The following NRXN3 variants were observed in gnomAD, a reference collection of about 807,000 sequenced individuals.
NRXN3 encodes the protein neurexin III.
In NRXN3, 32 loss-of-function variants were observed where a neutral mutation model predicts 137.6. The ratio of observed to expected loss-of-function variants is 0.23; its 90% CI spans 0.18 to 0.31. The LOEUF is 0.31. Ranked by LOEUF, NRXN3 falls within the 10% of genes least tolerant of loss-of-function variation. The pLI is 1.00. For missense variants in NRXN3, 1,574 were observed against 2,062.5 expected (o/e 0.76, Z 4.59); for synonymous variants, 798 against 784.5 (o/e 1.02, Z -0.29).
At chr14:79,533,461 G>A (rs1339973103) in intron 16 of NRXN3, among the ~76,000 whole-genome samples, 1 of 152,160 alleles carries the variant, frequency 6.6e-6, no homozygotes, top group Non-Finnish European at 1.5e-5. Context: ...GTGTGATTTG[G>A]GGTTTTAAGA....
At chr14:78,404,545 A>G (rs571235549) in intron 4 of NRXN3, among the ~76,000 whole-genome samples, 19 of 152,272 alleles carry the variant, frequency 1.2e-4, no homozygotes, top group South Asian at 8.3e-4. Flanking sequence ...ATTGGAAACT[A>G]TGATGGGAAA....
chr14:78,890,915 G>A (rs753807375), intron 10 of NRXN3, among the ~76,000 whole-genome samples: 1 of 151,898 alleles, frequency 6.6e-6, no homozygotes. Context: ...AGCAGCCTTC[G>A]TCTCCCTAAT....
At chr14:79,299,135 C>CT (rs1182742556) in intron 15 of NRXN3, among the ~76,000 whole-genome samples, 1 of 152,116 alleles carries the variant, frequency 6.6e-6, no homozygotes, top group African/African-American at 2.4e-5. Flanking sequence ...TTTGTTTTAT[C>CT]TTTTTAAGCC....
chr14:78,239,108 G>A (rs1194538814), intron 1 of NRXN3, among the ~76,000 whole-genome samples: 1 of 152,196 alleles, frequency 6.6e-6, no homozygotes, highest in Non-Finnish European at 1.5e-5. Context: ...TAATCCACAG[G>A]AACATTCTTC....
At chr14:78,226,449 C>T (rs1459347783) in intron 1 of NRXN3, among the ~76,000 whole-genome samples, 1 of 152,204 alleles carries the variant, frequency 6.6e-6, no homozygotes, top group Non-Finnish European at 1.5e-5. Context: ...CCTGGAATAA[C>T]AAATGCCCAT....
At chr14:79,730,498 T>C (rs1380746829) in intron 19 of NRXN3, among the ~76,000 whole-genome samples, 2 of 152,214 alleles carry the variant, frequency 1.3e-5, no homozygotes, top group Non-Finnish European at 2.9e-5. Context: ...AACTAAATTG[T>C]GTTATCCAGA....
chr14:78,825,196 CAAAAAAAAAA>C (rs11335474), intron 10 of NRXN3, among the ~76,000 whole-genome samples: 1 of 75,824 alleles, frequency 1.3e-5, no homozygotes, highest in Admixed American at 1.5e-4. Flanking sequence ...GACTCTGCCT[CAAAAAAAAAA>C]AAAAAAAAAA....
chr14:79,580,061 T>G (rs77519382), intron 16 of NRXN3, among the ~76,000 whole-genome samples: 17,867 of 152,248 alleles, frequency 0.12, 1,180 homozygotes, highest in South Asian at 0.22. Context: ...ATCTGGGTCT[T>G]GCCTATTTCA....
chr14:79,155,806 T>C (rs1049636479), intron 15 of NRXN3, among the ~76,000 whole-genome samples: 3 of 151,826 alleles, frequency 2.0e-5, no homozygotes, highest in African/African-American at 7.2e-5. Context: ...TAAAAGTTAA[T>C]AATTTTGCAT....
chr14:79,461,945 G>C (rs970607421), intron 15 of NRXN3, among the ~76,000 whole-genome samples: 8 of 152,180 alleles, frequency 5.3e-5, no homozygotes. Context: ...TAGAGCAGGA[G>C]ACTGACATCT....
chr14:79,685,673 C>G (rs1169534520), intron 17 of NRXN3, among the ~76,000 whole-genome samples: 1 of 152,242 alleles, frequency 6.6e-6, no homozygotes, highest in Non-Finnish European at 1.5e-5. Flanking sequence ...TGAAAGTATC[C>G]TTGATAGAGG....
intron 15 of NRXN3, among the ~76,000 whole-genome samples, chr14:79,317,682 G>A (rs1280612235): frequency 6.6e-6 from 1 of 152,186 alleles, no homozygotes; most frequent in Non-Finnish European, 1.5e-5. Context: ...AAGTCATAAT[G>A]TAGAGAAGTT....
chr14:79,101,347 C>G (rs1248308226), intron 15 of NRXN3, among the ~76,000 whole-genome samples: 1 of 152,186 alleles, frequency 6.6e-6, no homozygotes, highest in Non-Finnish European at 1.5e-5. Flanking sequence ...TTAAGTTTTC[C>G]TGAAGTTTCC....
intron 4 of NRXN3, among the ~76,000 whole-genome samples, chr14:78,299,797 C>T (rs1456213304): frequency 6.6e-6 from 1 of 152,156 alleles, no homozygotes; most frequent in East Asian, 1.9e-4. Context: ...GGGAATAAGT[C>T]TGGTACCTTC....
chr14:79,815,791 C>A (rs1490907174), intron 20 of NRXN3, among the ~76,000 whole-genome samples: 1 of 152,126 alleles, frequency 6.6e-6, no homozygotes, highest in East Asian at 1.9e-4. Flanking sequence ...TGGGAAGTGT[C>A]CTTGCTCGTA....
chr14:78,498,778 T>C (rs2095832516), intron 4 of NRXN3, among the ~76,000 whole-genome samples: 1 of 149,540 alleles, frequency 6.7e-6, no homozygotes, highest in African/African-American at 2.4e-5. Flanking sequence ...CCTGGGTTCA[T>C]AGCTCTTATC....
chr14:79,770,873 A>G (rs533800836), intron 19 of NRXN3, among the ~76,000 whole-genome samples: 14 of 152,240 alleles, frequency 9.2e-5, no homozygotes, highest in African/African-American at 3.1e-4. Context: ...TTGATAGACC[A>G]CTAGCAAGAC....
chr14:78,913,274 C>CTTTCT (rs1225280841), intron 10 of NRXN3, among the ~76,000 whole-genome samples: 174 of 47,866 alleles, frequency 3.6e-3, no homozygotes, highest in South Asian at 0.012. Flanking sequence ...TTCTTTCTTT[C>CTTTCT]TTTTTTTTTT....
rs1159212670 is a variant in NRXN3, at chr14:78,495,319, A to G, written c.758-149801A>G. 3.9e-5 allele frequency among the ~76,000 whole-genome samples: 6 copies of G among 152,056 alleles called. No individual in the cohort carries two copies. In the East Asian group the frequency reaches 9.7e-4, roughly 25 times the overall value. On this transcript the variant is annotated intron_variant, in intron 4 of 20. Coordinates refer to ENST00000335750, the MANE Select transcript of NRXN3 (RefSeq NM_001330195.2). ...GAAGTACATAATCATGGCCAATTTTACCTATGAGGAAGATAACTAAGTGGT... is the reference window on the plus strand; with the variant it reads ...GAAGTACATAATCATGGCCAATTTTGCCTATGAGGAAGATAACTAAGTGGT...
Sources: allele counts gnomAD v4.1 joint callset (sites outside exome capture counted in the v4.1 genomes callset), GRCh38; gene constraint gnomAD v4.1.1; transcripts MANE v1.5; gene names NCBI Gene and HGNC (gene_info 2026-07-23, HGNC 2026-07-21).